SHC2: variants seen among roughly 807,000 people sequenced by gnomAD.
SHC2 encodes SHC adaptor protein 2, also known as SHC-transforming protein 2.
SHC2 carries 62 observed loss-of-function variants against 60.6 expected under a neutral mutation model. That is an observed-to-expected ratio of 1.02 (90% CI 0.83 to 1.26). The LOEUF (loss-of-function observed/expected upper bound fraction) is 1.26. Among genes scored for constraint, SHC2 ranks in the 50% most tolerant of loss-of-function variants. The probability of loss-of-function intolerance (pLI) is 0.00; values close to 1 mark genes in which losing one functional copy is unlikely to be tolerated. For synonymous variants in SHC2, 375 were observed against 372.4 expected, an observed-to-expected ratio of 1.01 and a Z score of -0.08; for missense variants, 873 against 822.2, an observed-to-expected ratio of 1.06 and a Z score of -0.76.
At chr19:435,553 G>A (rs1177261812) in intron 7 of SHC2, among the ~76,000 whole-genome samples, 1 of 152,244 alleles carries the variant, frequency 6.6e-6, no homozygotes, top group African/African-American at 2.4e-5. Context: ...TCCCACCATT[G>A]GAGGAAGCTG....
chr19:423,634 C>A (rs1454051732), intron 10 of SHC2, among the ~76,000 whole-genome samples: 1 of 146,830 alleles, frequency 6.8e-6, no homozygotes, highest in Non-Finnish European at 1.5e-5. Flanking sequence ...GACCCTCGCT[C>A]CCTGGTCTCC....
chr19:458,694 CGGGGAGGCGGAAGCGGGTCTT>C (rs1975449565), intron 1 of SHC2, among the ~76,000 whole-genome samples: 1 of 79,290 alleles, frequency 1.3e-5, no homozygotes, highest in African/African-American at 4.3e-5. Context: ...AAGCGGGTTC[CGGGGAGGCGGAAGCGGGTCTT>C]GGGGAGGCGG....
Position 424,629 on chromosome 19 carries a change from G to C in SHC2, c.1309+468C>G, listed in dbSNP as rs1229738908. Among the ~76,000 whole-genome samples the C allele has an allele frequency of 1.3e-5, 2 of 152,152 alleles. No individual in the cohort carries two copies. The highest frequency in any genetic ancestry group is 2.9e-5 in the Non-Finnish European group (2 of 68,032). On this transcript the variant is annotated intron_variant, in intron 10 of 12. Coordinates refer to ENST00000264554, the MANE Select transcript of SHC2 (RefSeq NM_012435.3). This position sits in a 1 kb window ranked among gnomAD's most constrained non-coding sequence, Gnocchi z 4.5. ...CGGGGCCGCAGCCTCCCACCACACT[G>C]ACCATTCTTTCAAGGAATGACGAAC... is the stretch of plus-strand genomic sequence containing the variant.
In SHC2 at chr19:422,417, A is replaced by G; in HGVS notation, c.1349T>C (p.Val450Ala). The G allele has an allele frequency of 6.3e-7, 1 of 1,590,278 alleles. No homozygotes were observed. Reference sequence around the variant, plus strand: ...AGGGGCTGCTGTCACGCCTGCCGCCACTGAGCACTCATGCAACTTCAGGGC... The same window carrying G: ...AGGGGCTGCTGTCACGCCTGCCGCCGCTGAGCACTCATGCAACTTCAGGGC... ...EDALKLHECS[V>A]AAGVTAAPLP... is the part of the protein sequence containing the mutation. Residue 450 changes from valine to alanine, a missense_variant, in exon 11 of 13, where the codon GTG (valine) becomes GCG (alanine). By Grantham distance (64) the Val-to-Ala change is moderately conservative. Coordinates refer to ENST00000264554, the MANE Select transcript of SHC2 (RefSeq NM_012435.3). This position sits in a 1 kb window ranked among gnomAD's most constrained non-coding sequence, Gnocchi z 5.0.
At chr19:418,822 A>G (rs958412609) in intron 12 of SHC2, 101 bp downstream of exon 12, 21 of 1,361,194 alleles carry the variant, frequency 1.5e-5, no homozygotes, top group Admixed American at 2.2e-5. Flanking sequence ...CGTGCCCTCT[A>G]GAGGGAAAGG....
At chr19:420,627 A>AT (rs1974245659) in intron 11 of SHC2, among the ~76,000 whole-genome samples, 1 of 152,246 alleles carries the variant, frequency 6.6e-6, no homozygotes. Flanking sequence ...TTTAGGTACC[A>AT]GGAGGAGAGA....
rs1282563327 is a variant in SHC2 at position 436,768 on chromosome 19, G to A, written c.721-85C>T. 4 of 1,301,350 alleles carry A rather than the reference G, an allele frequency of 3.1e-6. No individual in the cohort carries two copies. In the Admixed American group the frequency reaches 7.8e-5, roughly 25 times the overall value. 80.6% of individuals were successfully genotyped at this position (1,301,350 alleles called of 1,614,324 possible). ...GCAGATGGACCAGGACCACAGCGAA[G>A]AGTGGGGCAGGGGCAGGGATGTGGG... On this transcript the variant is annotated intron_variant, in intron 4 of 12. Transcript: ENST00000264554.
intron 9 of SHC2, among the ~76,000 whole-genome samples, chr19:427,094 T>C (rs1351712751): frequency 6.6e-6 from 1 of 152,188 alleles, no homozygotes; most frequent in Non-Finnish European, 1.5e-5. Flanking sequence ...AGAGCACAGC[T>C]GGGCACCGGG....
In SHC2 at chr19:436,671, G is replaced by A; in HGVS notation, c.733C>T (p.His245Tyr). The A allele has an allele frequency of 1.2e-6, 2 of 1,606,500 alleles. No individual in the cohort carries two copies. The highest frequency in any genetic ancestry group is 1.7e-6 in the Non-Finnish European group (2 of 1,179,292). ...VPATRQVIAN[H>Y]HMPSISFASG... ...GCGAAGGAGATGGACGGCATGTGGT[G>A]GTTGGCGATGACCTGTGGCGGCAGG... is the stretch of plus-strand genomic sequence containing the variant. The change falls in exon 5 of 13, where the codon CAC becomes TAC. Residue 245 changes from histidine to tyrosine, a missense_variant. By Grantham distance (83) the His-to-Tyr change is moderately conservative. Coordinates refer to ENST00000264554, the MANE Select transcript of SHC2 (RefSeq NM_012435.3).
chr19:451,099 A>G (rs1975178339), intron 1 of SHC2, among the ~76,000 whole-genome samples: 1 of 145,058 alleles, frequency 6.9e-6, no homozygotes, highest in African/African-American at 2.6e-5. Flanking sequence ...TAGCGTGTGG[A>G]TGGCCATACC....
intron 1 of SHC2, among the ~76,000 whole-genome samples, chr19:455,015 G>A (rs1315858291): frequency 6.6e-6 from 1 of 152,200 alleles, no homozygotes; most frequent in African/African-American, 2.4e-5. Flanking sequence ...TCATAAAGAC[G>A]GCAGTCACCG....
chr19:446,896 C>T lies in SHC2; in HGVS notation c.469-5964G>A, dbSNP rs868515601. On this transcript the variant is annotated intron_variant, in intron 1 of 12. Transcript: ENST00000264554. This position sits in a 1 kb window ranked among gnomAD's most constrained non-coding sequence, Gnocchi z 5.4. ...ACAAGCCGAGGTCCCCATGTCTGCA[C>T]TCCCAGCCTGGGAGACCGTCCGAGT... 4.6e-5 allele frequency among the ~76,000 whole-genome samples: 7 copies of T among 152,300 alleles called. No individual in the cohort carries two copies. The highest frequency in any genetic ancestry group is 6.8e-3 in the Middle Eastern group (2 of 294).
At chr19:436,522 T>C in intron 5 of SHC2, 91 bp from the exon 6 acceptor site, 2 of 1,582,534 alleles carry the variant, frequency 1.3e-6, no homozygotes, top group Non-Finnish European at 1.7e-6. Flanking sequence ...GATGGGGCAG[T>C]GGATGTGGGC....
intron 1 of SHC2, among the ~76,000 whole-genome samples, chr19:458,102 G>C (rs1225395193): frequency 9.1e-5 from 12 of 132,072 alleles, no homozygotes; most frequent in Non-Finnish European, 2.1e-4. Context: ...AGTGGGTCCC[G>C]GGGAGGCAGA....
intron 1 of SHC2, among the ~76,000 whole-genome samples, chr19:447,759 C>T (rs764674955): frequency 2.0e-5 from 3 of 151,430 alleles, no homozygotes; most frequent in Non-Finnish European, 4.4e-5. Context: ...GCCTGGGTGA[C>T]AAGAACAAAA....
At chr19:423,957 G>T (rs1974345084) in intron 10 of SHC2, among the ~76,000 whole-genome samples, 1 of 152,218 alleles carries the variant, frequency 6.6e-6, no homozygotes, top group African/African-American at 2.4e-5. Context: ...GCCAAGAGGA[G>T]CAAGCTCTTC....
intron 1 of SHC2, among the ~76,000 whole-genome samples, chr19:454,725 G>C (rs1010627513): frequency 3.3e-5 from 5 of 152,078 alleles, no homozygotes; most frequent in African/African-American, 9.7e-5. Flanking sequence ...GGGAGGCGGA[G>C]GTTGCGGTGA....
At chr19:452,374 A>T (rs368106144) in intron 1 of SHC2, among the ~76,000 whole-genome samples, 1 of 64,550 alleles carries the variant, frequency 1.5e-5, no homozygotes, top group African/African-American at 6.1e-5. Context: ...CTTGGGGGGA[A>T]TTCCTGCGTA....
intron 2 of SHC2, among the ~76,000 whole-genome samples, chr19:439,975 G>A (rs1024047846): frequency 4.8e-5 from 7 of 146,106 alleles, no homozygotes; most frequent in African/African-American, 1.0e-4. Context: ...GCAGTGAGCC[G>A]ACACGGTGTC....
Sources: gnomAD v4.1 joint callset for allele counts (sites outside exome capture counted in the v4.1 genomes callset) on GRCh38, gnomAD v4.1.1 for gene constraint, Gnocchi (gnomAD v3.1) non-coding constraint, MANE v1.5 for transcripts, NCBI Gene and HGNC (gene_info 2026-07-23, HGNC 2026-07-21) for gene names.